ATXN1: variants seen among roughly 807,000 people sequenced by gnomAD.
The protein encoded by ATXN1 is ataxin-1.
In ATXN1, 8 loss-of-function variants were observed where a neutral mutation model predicts 56.4. The ratio of observed to expected loss-of-function variants is 0.14; its 90% CI spans 0.08 to 0.26. ATXN1 has a LOEUF of 0.26. Ranked by LOEUF, ATXN1 falls within the 10% of genes least tolerant of loss-of-function variation. The pLI is 1.00. For synonymous variants in ATXN1, 514 were observed against 494.6 expected (o/e 1.04, Z -0.52); for missense variants, 987 against 1,106.5 (o/e 0.89, Z 1.53).
At chr6:16,383,297 G>A (rs1758172401) in intron 6 of ATXN1, among the ~76,000 whole-genome samples, 1 of 152,138 alleles carries the variant, frequency 6.6e-6, no homozygotes, top group Admixed American at 6.6e-5. Flanking sequence ...AAAAAGAACT[G>A]GGAGGACTGT....
chr6:16,737,504 G>A (rs1488460472), intron 2 of ATXN1: 3 of 152,188 alleles, frequency 2.0e-5, no homozygotes, highest in African/African-American at 7.2e-5. Context: ...TTTCATCTCT[G>A]AGAAATAACA....
intron 6 of ATXN1, among the ~76,000 whole-genome samples, chr6:16,341,257 G>A (rs1761239993): frequency 6.6e-6 from 1 of 152,222 alleles, no homozygotes; most frequent in Non-Finnish European, 1.5e-5. Flanking sequence ...TGGTGTATCA[G>A]TGGCAGCAGC....
chr6:16,709,861 T>C (rs1759486740), intron 2 of ATXN1, among the ~76,000 whole-genome samples: 1 of 152,162 alleles, frequency 6.6e-6, no homozygotes, highest in Non-Finnish European at 1.5e-5. Context: ...AAATAACACA[T>C]AATTATAACT....
intron 2 of ATXN1, among the ~76,000 whole-genome samples, chr6:16,679,049 A>AT (rs1180029497): frequency 2.0e-4 from 30 of 152,070 alleles, no homozygotes; most frequent in African/African-American, 6.0e-4. Context: ...AAAAAAAAAA[A>AT]GAAAGGAGTG....
At chr6:16,612,619 C>T (rs1015706016) in intron 3 of ATXN1, among the ~76,000 whole-genome samples, 2 of 152,072 alleles carry the variant, frequency 1.3e-5, no homozygotes, top group East Asian at 1.9e-4. Context: ...GGGTGGGACA[C>T]GGTGGCTCAC....
chr6:16,595,876 AT>A (rs1762804536), intron 3 of ATXN1, among the ~76,000 whole-genome samples: 1 of 152,216 alleles, frequency 6.6e-6, no homozygotes, highest in African/African-American at 2.4e-5. Context: ...GTAGGGCCTT[AT>A]TTTAATCACA....
rs143125796 is a variant in ATXN1 at position 16,327,884 on chromosome 6, T to C, written c.427A>G (p.Ile143Val). The change falls in exon 7 of 8, where the codon ATC (isoleucine) becomes GTC (valine). Residue 143 changes from isoleucine to valine, a missense_variant. Coordinates refer to ENST00000436367, the MANE Select transcript of ATXN1 (RefSeq NM_001128164.2). ...SQYSGTYASF[I>V]PSQLIPPTAN... ...GTTGGGGGGATCAGCTGTGATGGGA[T>C]GAAGCTGGCATAGGTTCCACTGTAT... The C allele has an allele frequency of 5.4e-5, 87 of 1,607,662 alleles. No homozygotes were observed. In the African/African-American group the frequency reaches 1.1e-3, roughly 21 times the overall value.
chr6:16,426,576 TG>T (rs1759159096), intron 6 of ATXN1, among the ~76,000 whole-genome samples: 1 of 150,028 alleles, frequency 6.7e-6, no homozygotes, highest in Admixed American at 6.7e-5. Context: ...TGTGTGGTGG[TG>T]GGGCCGAGTG....
chr6:16,538,199 G>A (rs940757689), intron 4 of ATXN1, among the ~76,000 whole-genome samples: 1 of 152,200 alleles, frequency 6.6e-6, no homozygotes, highest in South Asian at 2.1e-4. Flanking sequence ...TAAGTGTTAA[G>A]GGCACCGGGG....
intron 2 of ATXN1, among the ~76,000 whole-genome samples, chr6:16,734,398 A>G (rs903662181): frequency 6.6e-6 from 1 of 152,234 alleles, no homozygotes; most frequent in African/African-American, 2.4e-5. Flanking sequence ...TGGTGCGAGA[A>G]AAGAAGGAAG....
intron 6 of ATXN1, among the ~76,000 whole-genome samples, chr6:16,377,254 G>A (rs148231342): frequency 3.2e-4 from 49 of 152,292 alleles, no homozygotes; most frequent in African/African-American, 9.4e-4. Context: ...ATTTTGCTTA[G>A]CAGTCCAAAT....
chr6:16,333,662 G>A (rs561720959), intron 6 of ATXN1, among the ~76,000 whole-genome samples: 2 of 152,318 alleles, frequency 1.3e-5, no homozygotes, highest in South Asian at 4.1e-4. Flanking sequence ...TTAAAGAAGA[G>A]GAAGAGCAGG....
intron 6 of ATXN1, among the ~76,000 whole-genome samples, chr6:16,346,620 G>C (rs774634085): frequency 3.3e-5 from 5 of 152,192 alleles, no homozygotes; most frequent in Non-Finnish European, 7.3e-5. Flanking sequence ...TTGATAACTC[G>C]TGACTTTAGG....
At chr6:16,402,270 T>G (rs1371734689) in intron 6 of ATXN1, among the ~76,000 whole-genome samples, 40 of 84,688 alleles carry the variant, frequency 4.7e-4, no homozygotes, top group East Asian at 8.9e-4. Context: ...TTTTTTTTTT[T>G]TTTTTTTTTT....
chr6:16,447,648 C>T (rs527917316), intron 6 of ATXN1, among the ~76,000 whole-genome samples: 3 of 152,074 alleles, frequency 2.0e-5, no homozygotes, highest in South Asian at 2.1e-4. Context: ...TGAGCTACTG[C>T]GCCTGGCCTA....
chr6:16,353,260 G>A (rs1761608451), intron 6 of ATXN1, among the ~76,000 whole-genome samples: 1 of 152,338 alleles, frequency 6.6e-6, no homozygotes, highest in South Asian at 2.1e-4. Context: ...GTCTCAACAA[G>A]GCTGAGAACG....
chr6:16,330,645 G>C (rs1276354828), intron 6 of ATXN1, among the ~76,000 whole-genome samples: 1 of 151,832 alleles, frequency 6.6e-6, no homozygotes, highest in Non-Finnish European at 1.5e-5. Flanking sequence ...TTGGCCTCCC[G>C]GTGCTGGGAT....
chr6:16,455,156 C>T (rs1759839159), intron 6 of ATXN1, among the ~76,000 whole-genome samples: 1 of 152,166 alleles, frequency 6.6e-6, no homozygotes, highest in Non-Finnish European at 1.5e-5. Context: ...CCAATCTAAC[C>T]AGGTAGTAAG....
At chr6:16,386,335 G>A (rs2113514080) in intron 6 of ATXN1, among the ~76,000 whole-genome samples, 2 of 152,318 alleles carry the variant, frequency 1.3e-5, no homozygotes, top group South Asian at 4.1e-4. Context: ...CTGCTGGGTA[G>A]TGGTGACAGC....
Sources: gnomAD v4.1 joint callset for allele counts (sites outside exome capture counted in the v4.1 genomes callset) on GRCh38, gnomAD v4.1.1 for gene constraint, MANE v1.5 for transcripts, NCBI Gene and HGNC (gene_info 2026-07-23, HGNC 2026-07-21) for gene names.